POLDIP3: variants seen among roughly 807,000 people sequenced by gnomAD.
POLDIP3 encodes polymerase delta-interacting protein 3.
Under a neutral mutation model 45.1 loss-of-function variants are expected in POLDIP3, and 14 were observed. The ratio of observed to expected loss-of-function variants is 0.31; its 90% CI spans 0.20 to 0.49. POLDIP3 has a LOEUF of 0.49. POLDIP3 is among the 20% of genes least tolerant of loss of function. The probability of loss-of-function intolerance (pLI) is 0.99; values close to 1 mark genes in which losing one functional copy is unlikely to be tolerated. For synonymous variants in POLDIP3, 223 were observed against 205.2 expected (o/e 1.09, Z -0.74); for missense variants, 511 against 538.8 (o/e 0.95, Z 0.51).
At chr22:42,588,279 C>T (rs1925440480) in intron 7 of POLDIP3, among the ~76,000 whole-genome samples, 1 of 151,796 alleles carries the variant, frequency 6.6e-6, no homozygotes, top group Non-Finnish European at 1.5e-5. Context: ...CATGGTGAAA[C>T]CCCGTCCCTG....
chr22:42,604,792 G>A (rs1231515031), intron 1 of POLDIP3, among the ~76,000 whole-genome samples: 8 of 152,176 alleles, frequency 5.3e-5, no homozygotes, highest in Admixed American at 2.0e-4. Flanking sequence ...CCTCCAATAT[G>A]CCAGTACCAA....
intron 8 of POLDIP3, among the ~76,000 whole-genome samples, chr22:42,586,554 A>G (rs1925326803): frequency 6.6e-6 from 1 of 152,180 alleles, no homozygotes; most frequent in East Asian, 1.9e-4. Context: ...ATCCATTAGC[A>G]TATTACACAA....
rs1433895185 is a variant in POLDIP3, at chr22:42,585,372, A to C, written c.*419T>G. On this transcript the variant is annotated 3_prime_UTR_variant, in exon 9 of 9. Coordinates refer to ENST00000252115, the MANE Select transcript of POLDIP3 (RefSeq NM_032311.5). ...ATCCCCTCCATTGTTTGAAAAGCTTAATACACACAAAGGAAAGGCAGCCCC... is the reference window on the plus strand; with the variant it reads ...ATCCCCTCCATTGTTTGAAAAGCTTCATACACACAAAGGAAAGGCAGCCCC... 2 of 411,278 alleles carry C rather than the reference A, an allele frequency of 4.9e-6. No individual in the cohort carries two copies. Among genetic ancestry groups the C allele is most frequent in the Admixed American group, 2.9e-5 (1 of 34,436 alleles). 25.5% of individuals were successfully genotyped at this position (411,278 alleles called of 1,614,324 possible). A position where few individuals can be genotyped will look rare whatever the true frequency, so the allele number is the denominator to read the frequency against.
At chr22:42,598,517 C>G (rs1201515551) in intron 4 of POLDIP3, among the ~76,000 whole-genome samples, 1 of 152,114 alleles carries the variant, frequency 6.6e-6, no homozygotes, top group African/African-American at 2.4e-5. Flanking sequence ...TCCGAAAGTG[C>G]TGGGATTACA....
intron 1 of POLDIP3, among the ~76,000 whole-genome samples, chr22:42,607,236 C>T (rs956346912): frequency 1.3e-5 from 2 of 152,230 alleles, no homozygotes; most frequent in Admixed American, 6.5e-5. Flanking sequence ...CTCAGCCTGC[C>T]GAGTGCCTGG....
intron 1 of POLDIP3, 104 bp from the exon 2 acceptor site, chr22:42,603,264 A>T (rs1359841261): frequency 2.4e-6 from 3 of 1,265,860 alleles, no homozygotes; most frequent in East Asian, 2.3e-5. Flanking sequence ...GCCCTGGAGA[A>T]TCAGAAAGCG....
intron 1 of POLDIP3, among the ~76,000 whole-genome samples, chr22:42,605,288 C>T (rs1233865042): frequency 6.6e-6 from 1 of 152,154 alleles, no homozygotes; most frequent in Non-Finnish European, 1.5e-5. Flanking sequence ...CCACCACGGC[C>T]GGCTAATTTT....
At chr22:42,586,248 G>C (rs1272284542) in intron 8 of POLDIP3, among the ~76,000 whole-genome samples, 2 of 152,002 alleles carry the variant, frequency 1.3e-5, no homozygotes, top group Admixed American at 1.3e-4. Flanking sequence ...GTAGAGACCA[G>C]GTCTTGCTAT....
intron 1 of POLDIP3, among the ~76,000 whole-genome samples, chr22:42,607,293 G>C (rs1190051757): frequency 6.6e-6 from 1 of 152,238 alleles, no homozygotes; most frequent in Non-Finnish European, 1.5e-5. Context: ...TGTATTTTTT[G>C]GTGGAGACGG....
chr22:42,591,677 T>C (rs962040328), intron 7 of POLDIP3, among the ~76,000 whole-genome samples: 1 of 152,254 alleles, frequency 6.6e-6, no homozygotes, highest in African/African-American at 2.4e-5. Flanking sequence ...GCTGTGCCTC[T>C]TGGCTCCCCT....
chr22:42,591,539 A>T (rs1193333188), intron 7 of POLDIP3, among the ~76,000 whole-genome samples: 1 of 152,188 alleles, frequency 6.6e-6, no homozygotes, highest in Admixed American at 6.5e-5. Context: ...ATGAACCTCA[A>T]GTCAATAAAG....
intron 6 of POLDIP3, among the ~76,000 whole-genome samples, chr22:42,594,246 A>G (rs1321715904): frequency 6.6e-6 from 1 of 152,042 alleles, no homozygotes; most frequent in Non-Finnish European, 1.5e-5. Context: ...TGGGCGACAG[A>G]GCAAGACTCC....
chr22:42,608,489 T>C (rs1926916266), intron 1 of POLDIP3, among the ~76,000 whole-genome samples: 1 of 152,102 alleles, frequency 6.6e-6, no homozygotes. Flanking sequence ...CAATCTTCCT[T>C]ATCATTATTG....
At chr22:42,596,869 G>C (rs1039028224) in intron 4 of POLDIP3, among the ~76,000 whole-genome samples, 3 of 151,984 alleles carry the variant, frequency 2.0e-5, no homozygotes, top group African/African-American at 7.2e-5. Context: ...AAATGTAAAA[G>C]AGCTGCTCTG....
intron 3 of POLDIP3, among the ~76,000 whole-genome samples, chr22:42,601,127 G>A (rs894710887): frequency 6.6e-6 from 1 of 151,986 alleles, no homozygotes; most frequent in Non-Finnish European, 1.5e-5. Flanking sequence ...AAGGAACTAT[G>A]GCAAAATTTC....
chr22:42,598,424 G>T (rs9611825), intron 4 of POLDIP3, among the ~76,000 whole-genome samples: 56,458 of 133,982 alleles, frequency 0.42, 13,072 homozygotes, highest in African/African-American at 0.71. Context: ...CTAATTTTTT[G>T]GTATTTTTAG....
intron 7 of POLDIP3, among the ~76,000 whole-genome samples, chr22:42,589,312 CT>C (rs1569295648): frequency 6.6e-6 from 1 of 150,728 alleles, no homozygotes; most frequent in African/African-American, 2.4e-5. Context: ...TGGTCTTTTA[CT>C]TATTAGCTTA....
chr22:42,591,842 G>T, intron 7 of POLDIP3, 113 bp downstream of exon 7: 2 of 1,388,200 alleles, frequency 1.4e-6, no homozygotes, highest in South Asian at 1.3e-5. Flanking sequence ...TGCAGACGAG[G>T]CCCCAGAGAT....
At chr22:42,606,396 T>C (rs1031287694) in intron 1 of POLDIP3, among the ~76,000 whole-genome samples, 2 of 151,850 alleles carry the variant, frequency 1.3e-5, no homozygotes, top group African/African-American at 4.8e-5. Flanking sequence ...TTTGGAAAGC[T>C]GAGGCAGGAG....
Sources: allele counts gnomAD v4.1 joint callset (sites outside exome capture counted in the v4.1 genomes callset), GRCh38; gene constraint gnomAD v4.1.1; transcripts MANE v1.5; gene names NCBI Gene and HGNC (gene_info 2026-07-23, HGNC 2026-07-21).